RAD51B: variants seen among roughly 807,000 people sequenced by gnomAD.
RAD51B encodes the protein RAD51 paralog B.
In RAD51B, 38 loss-of-function variants were observed where a neutral mutation model predicts 42.2. The observed-to-expected ratio is 0.90, with a 90% CI of 0.70 to 1.18. The LOEUF is 1.18. Among genes scored for constraint, RAD51B ranks in the 50% most tolerant of loss-of-function variants. RAD51B has a pLI of 0.00. For missense variants in RAD51B, 373 were observed against 400.7 expected, an observed-to-expected ratio of 0.93 and a Z score of 0.59; for synonymous variants, 154 against 145.2, an observed-to-expected ratio of 1.06 and a Z score of -0.43.
intron 8 of RAD51B, among the ~76,000 whole-genome samples, chr14:68,377,628 TG>T (rs1270728272): frequency 7.2e-5 from 11 of 152,248 alleles, no homozygotes; most frequent in Non-Finnish European, 2.9e-5. Flanking sequence ...TCCCTGTCTC[TG>T]GTGTAGGACA....
At chr14:68,008,584 G>A (rs2075630436) in intron 7 of RAD51B, among the ~76,000 whole-genome samples, 1 of 152,012 alleles carries the variant, frequency 6.6e-6, no homozygotes, top group African/African-American at 2.4e-5. Flanking sequence ...AGGGAAAGAA[G>A]TAAAATAATT....
At chr14:68,337,769 A>ATTTGT (rs1428392770) in intron 8 of RAD51B, among the ~76,000 whole-genome samples, 6 of 151,948 alleles carry the variant, frequency 3.9e-5, no homozygotes, top group Admixed American at 6.6e-5. Context: ...AGAAATTTTT[A>ATTTGT]TTTGTTTTGT....
intron 4 of RAD51B, among the ~76,000 whole-genome samples, chr14:67,862,094 ATGT>A (rs1481133260): frequency 1.3e-5 from 2 of 152,064 alleles, no homozygotes; most frequent in Non-Finnish European, 2.9e-5. Flanking sequence ...GTTAGTAATA[ATGT>A]TGTATATTTC....
At chr14:68,529,439 C>T (rs1403793091) in intron 10 of RAD51B, among the ~76,000 whole-genome samples, 1 of 152,228 alleles carries the variant, frequency 6.6e-6, no homozygotes, top group African/African-American at 2.4e-5. Flanking sequence ...CTCAGGTCAT[C>T]TGTAAGGTGG....
chr14:68,048,140 A>G (rs918446321), intron 7 of RAD51B, among the ~76,000 whole-genome samples: 2 of 152,222 alleles, frequency 1.3e-5, no homozygotes, highest in Non-Finnish European at 2.9e-5. Context: ...TAAGTATTTA[A>G]TAAGAGGTTA....
At chr14:67,835,539 G>GTA (rs2041209665) in intron 4 of RAD51B, among the ~76,000 whole-genome samples, 1 of 147,108 alleles carries the variant, frequency 6.8e-6, no homozygotes, top group Non-Finnish European at 1.5e-5. Context: ...ACATTTATAT[G>GTA]TACACACGTC....
rs576503558 is a variant in RAD51B, at chr14:67,915,669, T to C, written c.756+28465T>C. Among the ~76,000 whole-genome samples the C allele has an allele frequency of 2.5e-3, 381 of 152,366 alleles. 6 individuals carry two copies. Among genetic ancestry groups the C allele is most frequent in the Middle Eastern group, 0.01 (3 of 294 alleles). ...TCCTCTTGACTTTAGGGGGCAAAAG[T>C]ATGTCATTCTTATATAAGAGTTGGA... On this transcript the variant is annotated intron_variant, in intron 7 of 10. Transcript: ENST00000471583.
At chr14:68,282,389 T>A (rs1217053734) in intron 7 of RAD51B, among the ~76,000 whole-genome samples, 1 of 152,222 alleles carries the variant, frequency 6.6e-6, no homozygotes, top group Non-Finnish European at 1.5e-5. Context: ...GGAGGAAGCC[T>A]GCCCCTACTT....
intron 10 of RAD51B, among the ~76,000 whole-genome samples, chr14:68,486,864 T>C (rs1594902392): frequency 6.6e-6 from 1 of 152,216 alleles, no homozygotes; most frequent in Non-Finnish European, 1.5e-5. Context: ...ATCTCGCTGG[T>C]AGAATTCTTT....
intron 9 of RAD51B, among the ~76,000 whole-genome samples, chr14:68,453,706 A>G (rs570384109): frequency 6.6e-6 from 1 of 152,294 alleles, no homozygotes; most frequent in South Asian, 2.1e-4. Context: ...TAGCAACCAA[A>G]CAAGAGATTT....
intron 10 of RAD51B, among the ~76,000 whole-genome samples, chr14:68,624,255 A>G (rs1041572642): frequency 6.6e-6 from 1 of 152,148 alleles, no homozygotes; most frequent in African/African-American, 2.4e-5. Flanking sequence ...ATCACTTTAC[A>G]TTGTGGGGAT....
At chr14:68,380,607 T>C (rs1469987570) in intron 8 of RAD51B, among the ~76,000 whole-genome samples, 1 of 151,606 alleles carries the variant, frequency 6.6e-6, no homozygotes, top group African/African-American at 2.4e-5. Flanking sequence ...TCAGCAAGAG[T>C]CATCAGTGGA....
chr14:68,365,030 G>A (rs1937408297), intron 8 of RAD51B, among the ~76,000 whole-genome samples: 1 of 152,162 alleles, frequency 6.6e-6, no homozygotes. Context: ...GTGAAGGTTA[G>A]CGTGGCAGGA....
chr14:67,891,400 T>G (rs1386587292), intron 7 of RAD51B, among the ~76,000 whole-genome samples: 1 of 152,166 alleles, frequency 6.6e-6, no homozygotes, highest in Admixed American at 6.6e-5. Flanking sequence ...TCTAATTTAT[T>G]GCTTATCAAG....
At chr14:68,592,928 C>T (rs1890821945) in intron 10 of RAD51B, among the ~76,000 whole-genome samples, 1 of 150,024 alleles carries the variant, frequency 6.7e-6, no homozygotes, top group African/African-American at 2.5e-5. Flanking sequence ...TGGCCATGGC[C>T]ATCAGAATGG....
At chr14:68,250,802 G>A (rs529239795) in intron 7 of RAD51B, among the ~76,000 whole-genome samples, 30 of 152,274 alleles carry the variant, frequency 2.0e-4, no homozygotes, top group Non-Finnish European at 3.1e-4. Flanking sequence ...TGAGGGTTAT[G>A]GAACATTCCC....
At chr14:68,558,289 C>T (rs1594971672) in intron 10 of RAD51B, among the ~76,000 whole-genome samples, 2 of 152,234 alleles carry the variant, frequency 1.3e-5, no homozygotes, top group Non-Finnish European at 1.5e-5. Flanking sequence ...GGGCCACCAT[C>T]GGGGGCTCAG....
intron 4 of RAD51B, among the ~76,000 whole-genome samples, chr14:67,838,148 A>G (rs1460749918): frequency 1.3e-5 from 2 of 152,062 alleles, no homozygotes; most frequent in Non-Finnish European, 2.9e-5. Flanking sequence ...CTGAAATAGT[A>G]CTCCATTGCA....
At chr14:68,134,732 A>G (rs2077973241) in intron 7 of RAD51B, among the ~76,000 whole-genome samples, 2 of 151,886 alleles carry the variant, frequency 1.3e-5, no homozygotes, top group Non-Finnish European at 2.9e-5. Flanking sequence ...CTTGAGTGAA[A>G]GGATGTCTGT....
Sources: gnomAD v4.1 joint callset for allele counts (sites outside exome capture counted in the v4.1 genomes callset) on GRCh38, gnomAD v4.1.1 for gene constraint, MANE v1.5 for transcripts, NCBI Gene and HGNC (gene_info 2026-07-23, HGNC 2026-07-21) for gene names.